Variants in SYT1 observed in about 807,000 individuals in gnomAD.
The protein encoded by SYT1 is synaptotagmin-1.
SYT1 carries 8 observed loss-of-function variants against 44.8 expected under a neutral mutation model. That is an observed-to-expected ratio of 0.18 (90% CI 0.10 to 0.32). The LOEUF is 0.32. Among genes scored for constraint, SYT1 ranks in the 10% least tolerant of loss-of-function variants. SYT1 has a pLI of 1.00. For missense variants in SYT1, 286 were observed against 509.3 expected, an observed-to-expected ratio of 0.56 and a Z score of 4.22; for synonymous variants, 154 against 188.8, an observed-to-expected ratio of 0.82 and a Z score of 1.51.
intron 1 of SYT1, among the ~76,000 whole-genome samples, chr12:78,958,896 G>A (rs1268162874): frequency 2.0e-5 from 3 of 151,858 alleles, no homozygotes; most frequent in African/African-American, 7.3e-5. Context: ...TTTTTGATAT[G>A]TGAAAAGATT....
At chr12:78,874,613 C>T (rs1245429383) in intron 1 of SYT1, among the ~76,000 whole-genome samples, 8 of 151,474 alleles carry the variant, frequency 5.3e-5, no homozygotes, top group Non-Finnish European at 1.2e-4. Flanking sequence ...TTCAGAAATT[C>T]TTTCACTTGT....
At chr12:79,351,993 A>T (rs1377479569) in intron 8 of SYT1, among the ~76,000 whole-genome samples, 1 of 152,100 alleles carries the variant, frequency 6.6e-6, no homozygotes, top group African/African-American at 2.4e-5. Context: ...TAACATAGAG[A>T]TGTATGGTAA....
chr12:79,351,367 A>G lies in SYT1; in HGVS notation c.811-2135A>G, dbSNP rs114006620. 7.8e-3 allele frequency among the ~76,000 whole-genome samples: 1,194 copies of G among 152,278 alleles called. 12 individuals are homozygous for G. The highest frequency in any genetic ancestry group is 0.025 in the African/African-American group (1,056 of 41,552). ...ACATTTCTTTGTTCAACACAATTGC[A>G]ATGCCCCTAAATTAATCGTGGAATT... On this transcript the variant is annotated intron_variant, in intron 8 of 10. Coordinates refer to ENST00000261205, the MANE Select transcript of SYT1 (RefSeq NM_005639.3).
intron 1 of SYT1, among the ~76,000 whole-genome samples, chr12:78,913,454 T>C (rs890580070): frequency 3.3e-5 from 5 of 151,658 alleles, no homozygotes; most frequent in Non-Finnish European, 7.4e-5. Context: ...TTTATATATT[T>C]TTTCTCTAGA....
intron 9 of SYT1, among the ~76,000 whole-genome samples, chr12:79,440,562 C>T (rs571970964): frequency 2.6e-5 from 4 of 152,140 alleles, no homozygotes; most frequent in Middle Eastern, 3.4e-3. Context: ...GCATGTTGTC[C>T]AGCAGCTGTA....
intron 3 of SYT1, among the ~76,000 whole-genome samples, chr12:79,063,762 A>G (rs1875556873): frequency 6.6e-6 from 1 of 152,178 alleles, no homozygotes; most frequent in African/African-American, 2.4e-5. Context: ...AGGGAAAAAT[A>G]ATAAAACAAA....
intron 8 of SYT1, among the ~76,000 whole-genome samples, chr12:79,328,688 T>C (rs189709660): frequency 1.2e-3 from 176 of 151,756 alleles, no homozygotes; most frequent in African/African-American, 4.2e-3. Context: ...CTACTAAAAA[T>C]ACAAAAAATT....
At chr12:79,150,088 C>T (rs1280802305) in intron 3 of SYT1, among the ~76,000 whole-genome samples, 1 of 152,068 alleles carries the variant, frequency 6.6e-6, no homozygotes, top group Non-Finnish European at 1.5e-5. Flanking sequence ...TATTTGTATA[C>T]AACATGGTAT....
intron 9 of SYT1, among the ~76,000 whole-genome samples, chr12:79,376,375 A>C (rs1468102515): frequency 6.6e-6 from 1 of 152,206 alleles, no homozygotes; most frequent in Non-Finnish European, 1.5e-5. Context: ...TCCCCTTTTT[A>C]GACCATATAG....
chr12:79,346,364 C>T (rs1565918481), intron 8 of SYT1, among the ~76,000 whole-genome samples: 1 of 152,096 alleles, frequency 6.6e-6, no homozygotes, highest in Non-Finnish European at 1.5e-5. Context: ...AACAAAGCTG[C>T]CTTCTGATTG....
chr12:79,359,954 TC>T (rs1883254659), intron 9 of SYT1, among the ~76,000 whole-genome samples: 1 of 152,086 alleles, frequency 6.6e-6, no homozygotes, highest in Non-Finnish European at 1.5e-5. Flanking sequence ...CATAACCCCA[TC>T]AAAATCACCT....
chr12:78,975,911 G>C (rs1302296022), intron 1 of SYT1, among the ~76,000 whole-genome samples: 1 of 152,092 alleles, frequency 6.6e-6, no homozygotes, highest in Non-Finnish European at 1.5e-5. Flanking sequence ...AATCACAAAT[G>C]GGTAAAACCA....
At chr12:79,194,308 G>T (rs1472218992) in intron 3 of SYT1, among the ~76,000 whole-genome samples, 1 of 151,980 alleles carries the variant, frequency 6.6e-6, no homozygotes, top group African/African-American at 2.4e-5. Flanking sequence ...TCCTGAGTGG[G>T]TATGATTGGT....
intron 7 of SYT1, among the ~76,000 whole-genome samples, chr12:79,297,626 A>G (rs967079436): frequency 6.6e-6 from 1 of 152,128 alleles, no homozygotes; most frequent in Middle Eastern, 3.2e-3. Context: ...ATACATTTTT[A>G]TCAAGTTTCA....
At chr12:79,308,307 C>T (rs1000966206) in intron 8 of SYT1, among the ~76,000 whole-genome samples, 1 of 151,944 alleles carries the variant, frequency 6.6e-6, no homozygotes, top group African/African-American at 2.4e-5. Context: ...GGAGAATCAC[C>T]TGAGGTCAGG....
intron 8 of SYT1, among the ~76,000 whole-genome samples, chr12:79,333,095 A>G (rs563317479): frequency 1.3e-5 from 2 of 152,320 alleles, no homozygotes; most frequent in South Asian, 4.1e-4. Context: ...CATAGTTATC[A>G]TTAGGTTTTA....
chr12:79,365,834 GA>G lies in SYT1; in HGVS notation c.928+12231del, dbSNP rs57702061. Among the ~76,000 whole-genome samples, 267 of 104,078 alleles carry G rather than the reference GA, an allele frequency of 2.6e-3. 5 individuals carry two copies. Among genetic ancestry groups the G allele is most frequent in the South Asian group, 4.0e-3 (13 of 3,268 alleles). 68.3% of individuals were successfully genotyped at this position (104,078 alleles called of 152,430 possible). A position where few individuals can be genotyped will look rare whatever the true frequency, so the allele number is the denominator to read the frequency against. ...CCTAGACTGATTGCAAAGAGTACCA[GA>G]AAAAAAAAAAAAAAAGCAGGTCATT... is the stretch of plus-strand genomic sequence containing the variant. On this transcript the variant is annotated intron_variant, in intron 9 of 10. Transcript: ENST00000261205.
intron 1 of SYT1, among the ~76,000 whole-genome samples, chr12:78,893,209 A>G (rs1030643653): frequency 4.6e-5 from 7 of 151,846 alleles, no homozygotes; most frequent in African/African-American, 1.7e-4. Context: ...ATGACAGGCT[A>G]CATTTTTCAA....
At chr12:78,869,533 A>G (rs192118124) in intron 1 of SYT1, among the ~76,000 whole-genome samples, 4 of 152,078 alleles carry the variant, frequency 2.6e-5, no homozygotes, top group Admixed American at 1.3e-4. Flanking sequence ...TAGAGATGCT[A>G]TTTCTGCAAT....
Sources: gnomAD v4.1 joint callset for allele counts (sites outside exome capture counted in the v4.1 genomes callset) on GRCh38, gnomAD v4.1.1 for gene constraint, MANE v1.5 for transcripts, NCBI Gene and HGNC (gene_info 2026-07-23, HGNC 2026-07-21) for gene names.